USF3: variants seen among roughly 807,000 people sequenced by gnomAD.
USF3 encodes upstream transcription factor family member 3.
In USF3, 29 loss-of-function variants were observed where a neutral mutation model predicts 157.5. That is an observed-to-expected ratio of 0.18 (90% CI 0.14 to 0.25). The LOEUF (loss-of-function observed/expected upper bound fraction) is 0.25, where lower values mean the gene tolerates loss of function less well. Among genes scored for constraint, USF3 ranks in the 10% least tolerant of loss-of-function variants. The pLI is 1.00. For synonymous variants in USF3, 893 were observed against 941.4 expected, an observed-to-expected ratio of 0.95 and a Z score of 0.94; for missense variants, 2,381 against 2,667.6, an observed-to-expected ratio of 0.89 and a Z score of 2.37.
chr3:113,652,892 G>A lies in USF3; in HGVS notation c.*2052C>T, dbSNP rs182545588. The A allele has an allele frequency of 5.1e-3, 2,004 of 396,086 alleles. 8 individuals carry two copies. Among genetic ancestry groups the A allele is most frequent in the Non-Finnish European group, 6.8e-3 (1,499 of 219,276 alleles). The allele number at this position is 396,086 out of a possible 1,614,324, so 24.5% of individuals were successfully genotyped here. On this transcript the variant is annotated 3_prime_UTR_variant, in exon 7 of 7. Transcript: ENST00000316407. ...AATTTGCTTGAACCCAGGAGGCAGA[G>A]GCTGCAGTGAGCCAAGATCCTGCCA... is the stretch of plus-strand genomic sequence containing the variant.
In USF3 at chr3:113,659,923, T is replaced by A. The variant is rs1947449719; in HGVS notation, c.1759A>T (p.Asn587Tyr). The change falls in exon 7 of 7, where the codon AAT becomes TAT. Residue 587 changes from asparagine to tyrosine, a missense_variant. Around this residue, in one of 6 missense-constraint regions of USF3, gnomAD observed 1,435 missense variants for 1,550.9 expected, o/e 0.93. Transcript: ENST00000316407. Reference sequence around the variant, plus strand: ...GGGAGGAGTGGCAAAGGATTCTGATTAGCAGCCTGTATGATTACTATCTGT... The same window carrying A: ...GGGAGGAGTGGCAAAGGATTCTGATAAGCAGCCTGTATGATTACTATCTGT... Reference protein sequence around the residue: ...GQQIVIIQAANQNPLPLLPAP... With the variant: ...GQQIVIIQAAYQNPLPLLPAP... 6.2e-7 allele frequency: 1 copy of A among 1,614,086 alleles called. No homozygotes were observed. The highest frequency in any genetic ancestry group is 1.3e-5 in the African/African-American group (1 of 74,926).
chr3:113,690,696 C>T (rs184543876), intron 1 of USF3, among the ~76,000 whole-genome samples: 1 of 152,296 alleles, frequency 6.6e-6, no homozygotes, highest in Admixed American at 6.5e-5. Context: ...TTATCCAAAT[C>T]CTACCAACCC....
chr3:113,696,252 C>G (rs946916189), intron 1 of USF3, 118 bp downstream of exon 1: 1 of 152,592 alleles, frequency 6.6e-6, no homozygotes, highest in Non-Finnish European at 1.5e-5. Flanking sequence ...CCTGGCCTCC[C>G]GGAGCAGGAA....
intron 1 of USF3, among the ~76,000 whole-genome samples, chr3:113,680,927 T>G (rs1473196733): frequency 6.6e-6 from 1 of 152,230 alleles, no homozygotes; most frequent in East Asian, 1.9e-4. Flanking sequence ...GATACTGCTT[T>G]TCTAGTTTCT....
intron 1 of USF3, among the ~76,000 whole-genome samples, chr3:113,687,153 T>C (rs1219024898): frequency 6.6e-6 from 1 of 152,104 alleles, no homozygotes; most frequent in African/African-American, 2.4e-5. Flanking sequence ...CTAGAGTTAA[T>C]ATGTTGTTCA....
chr3:113,660,784 C>T lies in USF3; in HGVS notation c.898G>A (p.Val300Ile). ...PKVLKKMTPC[V>I]TNIPHSSSAT... ...GAGGAGCTGTGGGGGATGTTTGTAA[C>T]ACAAGGGGTCATTTTCTTCAATACT... The change falls in exon 7 of 7, where the codon GTT becomes ATT. Residue 300 changes from valine to isoleucine, a missense_variant. Around this residue, in one of 6 missense-constraint regions of USF3, gnomAD observed 1,435 missense variants for 1,550.9 expected, o/e 0.93. Coordinates refer to ENST00000316407, the MANE Select transcript of USF3 (RefSeq NM_001009899.4). 8 of 1,614,156 alleles carry T rather than the reference C, an allele frequency of 5.0e-6. No individual in the cohort carries two copies. Among genetic ancestry groups the T allele is most frequent in the Non-Finnish European group, 5.9e-6 (7 of 1,180,016 alleles).
rs1947304945 is a variant in USF3, at chr3:113,653,690, A to T, written c.*1254T>A. The T allele has an allele frequency of 6.6e-6, 1 of 151,676 alleles. No individual in the cohort carries two copies. Among genetic ancestry groups the T allele is most frequent in the South Asian group, 2.1e-4 (1 of 4,804 alleles). 9.4% of individuals were successfully genotyped at this position (151,676 alleles called of 1,614,324 possible). ...TCAGGTCTCAATTTCCCATTTTCAGATGGCAGGCCTGTTTTTAAAGGACCA... is the reference window on the plus strand; with the variant it reads ...TCAGGTCTCAATTTCCCATTTTCAGTTGGCAGGCCTGTTTTTAAAGGACCA... On this transcript the variant is annotated 3_prime_UTR_variant, in exon 7 of 7. Transcript: ENST00000316407.
At position 113,657,275 on chromosome 3, in the gene USF3, C is replaced by CTGG. The variant is rs772545713; in HGVS notation, c.4406_4407insCCA (p.Gln1468_Gln1469insHis). The CTGG allele has an allele frequency of 3.0e-5, 40 of 1,326,620 alleles. No individual in the cohort carries two copies. Among genetic ancestry groups the CTGG allele is most frequent in the Non-Finnish European group, 4.1e-5 (40 of 965,934 alleles). The allele number at this position is 1,326,620 out of a possible 1,614,324, so 82.2% of individuals were successfully genotyped here. A position where few individuals can be genotyped will look rare whatever the true frequency, so the allele number is the denominator to read the frequency against. On this transcript the variant is annotated inframe_insertion, in exon 7 of 7. Coordinates refer to ENST00000316407, the MANE Select transcript of USF3 (RefSeq NM_001009899.4). ...GTTGTTGTTGCTGTTGCTGCTGCTG[C>CTGG]TGCTGCTGCTGCTGCTGCTGCTGCT... is the stretch of plus-strand genomic sequence containing the variant.
At chr3:113,680,598 G>A (rs1707393970) in intron 1 of USF3, among the ~76,000 whole-genome samples, 1 of 152,048 alleles carries the variant, frequency 6.6e-6, no homozygotes, top group African/African-American at 2.4e-5. Context: ...TATCACTTGA[G>A]GTGAGGAGTT....
intron 1 of USF3, among the ~76,000 whole-genome samples, chr3:113,688,979 C>T (rs1156677315): frequency 6.6e-6 from 1 of 151,982 alleles, no homozygotes; most frequent in Non-Finnish European, 1.5e-5. Context: ...TGCAGTGAGC[C>T]GAGATCATGC....
Position 113,652,641 on chromosome 3 carries a change from G to C in USF3, c.*2303C>G, listed in dbSNP as rs1947284222. 6.6e-6 allele frequency: 1 copy of C among 152,336 alleles called. No homozygotes were observed. The highest frequency in any genetic ancestry group is 2.1e-4 in the South Asian group (1 of 4,844). The allele number at this position is 152,336 out of a possible 1,614,324, so 9.4% of individuals were successfully genotyped here. A position where few individuals can be genotyped will look rare whatever the true frequency, so the allele number is the denominator to read the frequency against. On this transcript the variant is annotated 3_prime_UTR_variant, in exon 7 of 7. Transcript: ENST00000316407. ...AGTTAACTGCTCTGACCAACCCTTA[G>C]GAAGCTTTTTAGGATTAAAAAAAAA...
intron 1 of USF3, among the ~76,000 whole-genome samples, chr3:113,680,462 T>G (rs751961629): frequency 2.0e-5 from 3 of 152,162 alleles, no homozygotes; most frequent in Non-Finnish European, 4.4e-5. Context: ...ATTTTTTATT[T>G]TATTTGGGTC....
rs1170287677 is a variant in USF3 at position 113,650,727 on chromosome 3, G to C, written c.*4217C>G. 6.6e-6 allele frequency: 1 copy of C among 152,116 alleles called. No homozygotes were observed. Among genetic ancestry groups the C allele is most frequent in the African/African-American group, 2.4e-5 (1 of 41,426 alleles). 9.4% of individuals were successfully genotyped at this position (152,116 alleles called of 1,614,324 possible). A position where few individuals can be genotyped will look rare whatever the true frequency, so the allele number is the denominator to read the frequency against. On this transcript the variant is annotated 3_prime_UTR_variant, in exon 7 of 7. Coordinates refer to ENST00000316407, the MANE Select transcript of USF3 (RefSeq NM_001009899.4). ...ATCTTTAAAATACTTAAATCATTTT[G>C]TATTTTAAGAAGGCTAATTTTTAAA...
Position 113,650,045 on chromosome 3 carries a change from G to T in USF3, c.*4899C>A, listed in dbSNP as rs1947234346. On this transcript the variant is annotated 3_prime_UTR_variant, in exon 7 of 7. Coordinates refer to ENST00000316407, the MANE Select transcript of USF3 (RefSeq NM_001009899.4). ...CAGATTAACTTCACTAGTTTGTCTGGTTGTTGGCTATTACTGTTGCCCTCT... is the reference window on the plus strand; with the variant it reads ...CAGATTAACTTCACTAGTTTGTCTGTTTGTTGGCTATTACTGTTGCCCTCT... 1 of 592,350 alleles carries T rather than the reference G, an allele frequency of 1.7e-6. No homozygotes were observed. Among genetic ancestry groups the T allele is most frequent in the African/African-American group, 1.9e-5 (1 of 53,450 alleles). The allele number at this position is 592,350 out of a possible 1,614,324, so 36.7% of individuals were successfully genotyped here.
At position 113,660,676 on chromosome 3, in the gene USF3, CAA is replaced by C; in HGVS notation, c.1004_1005del (p.Phe335CysfsTer18). 1 of 1,614,180 alleles carries C rather than the reference CAA, an allele frequency of 6.2e-7. No homozygotes were observed. The highest frequency in any genetic ancestry group is 8.5e-7 in the Non-Finnish European group (1 of 1,180,038). On this transcript the variant is annotated frameshift_variant, in exon 7 of 7. Transcript: ENST00000316407. LOFTEE classifies it high-confidence loss of function. ...CAGACTGTGGTGGTAACTGAAACAA[CAA>C]AAGTGTTTTGAAAATCACCTCTGAA... ...QDFRGDFQNT[F>X]VVSVTTTVCS...
chr3:113,691,638 T>C (rs370923310), intron 1 of USF3, among the ~76,000 whole-genome samples: 1 of 152,222 alleles, frequency 6.6e-6, no homozygotes, highest in Non-Finnish European at 1.5e-5. Context: ...GTTAGCCCCA[T>C]GGATCCTTAT....
Position 113,652,926 on chromosome 3 carries a change from TC to T in USF3, c.*2017del. Reference sequence around the variant, plus strand: ...GAGCCAAGATCCTGCCATTGTAGACTCCAGCCTGGGTGACAAAGTGACCTTG... The same window carrying T: ...GAGCCAAGATCCTGCCATTGTAGACTCAGCCTGGGTGACAAAGTGACCTTG... On this transcript the variant is annotated 3_prime_UTR_variant, in exon 7 of 7. Coordinates refer to ENST00000316407, the MANE Select transcript of USF3 (RefSeq NM_001009899.4). The T allele has an allele frequency of 3.1e-6, 2 of 649,740 alleles. No individual in the cohort carries two copies. Among genetic ancestry groups the T allele is most frequent in the South Asian group, 1.9e-5 (1 of 52,780 alleles). 40.2% of individuals were successfully genotyped at this position (649,740 alleles called of 1,614,324 possible).
chr3:113,659,677 G>T lies in USF3; in HGVS notation c.2005C>A (p.Gln669Lys). 1 of 1,614,224 alleles carries T rather than the reference G, an allele frequency of 6.2e-7. No individual in the cohort carries two copies. Among genetic ancestry groups the T allele is most frequent in the Non-Finnish European group, 8.5e-7 (1 of 1,180,012 alleles). The change falls in exon 7 of 7, where the codon CAG (glutamine) becomes AAG (lysine). Residue 669 changes from glutamine (Q) to lysine (K), a missense_variant. Physicochemically the swap from Gln to Lys is moderately conservative, Grantham distance 53. Coordinates refer to ENST00000316407, the MANE Select transcript of USF3 (RefSeq NM_001009899.4). ...ATCACAGGCTGCAAAGCAAAGAGCT[G>T]TCCATTTAAAGAAATGGTTTGAGGC... ...QQPQTISLNG[Q>K]LFALQPVMSS...
chr3:113,695,768 A>G (rs1707783657), intron 1 of USF3, among the ~76,000 whole-genome samples: 2 of 152,238 alleles, frequency 1.3e-5, no homozygotes, highest in Admixed American at 6.5e-5. Context: ...GAGTCCAGGA[A>G]TCTTATATTT....
Sources: allele counts gnomAD v4.1 joint callset (sites outside exome capture counted in the v4.1 genomes callset), GRCh38; gene constraint gnomAD v4.1.1; regional missense constraint gnomAD v4.1.1; transcripts MANE v1.5; gene names NCBI Gene and HGNC (gene_info 2026-07-23, HGNC 2026-07-21).